The following PHLDB2 variants were observed in gnomAD, a reference collection of about 807,000 sequenced individuals.
PHLDB2 encodes the protein pleckstrin homology-like domain family B member 2.
PHLDB2 carries 71 observed loss-of-function variants against 123.6 expected under a neutral mutation model. That is an observed-to-expected ratio of 0.57 (90% CI 0.47 to 0.70). The LOEUF (loss-of-function observed/expected upper bound fraction) is 0.70, where lower values mean the gene tolerates loss of function less well. PHLDB2 is among the 30% of genes least tolerant of loss of function. The pLI is 0.00. For synonymous variants in PHLDB2, 547 were observed against 541.6 expected, an observed-to-expected ratio of 1.01 and a Z score of -0.14; for missense variants, 1,446 against 1,519.5, an observed-to-expected ratio of 0.95 and a Z score of 0.80.
intron 1 of PHLDB2, among the ~76,000 whole-genome samples, chr3:111,845,354 C>CAAAAAAAAAA: frequency 2.6e-5 from 1 of 39,162 alleles, no homozygotes; most frequent in Non-Finnish European, 4.0e-5. Flanking sequence ...GACTCTGTCT[C>CAAAAAAAAAA]AAAAAAAAAA....
At chr3:111,930,656 A>G (rs1168766736) in intron 5 of PHLDB2, among the ~76,000 whole-genome samples, 4 of 152,204 alleles carry the variant, frequency 2.6e-5, no homozygotes, top group African/African-American at 9.6e-5. Flanking sequence ...TAACGGTGCT[A>G]GTATATTCAG....
Position 111,831,079 on chromosome 3 carries a change from GAAGA to G in PHLDB2, c.-48-14734_-48-14731del, listed in dbSNP as rs372450594. On this transcript the variant is annotated intron_variant, in intron 1 of 17. Transcript: ENST00000393923. ...AAGAGAGAGATAGAGAGAAAAGAAG[GAAGA>G]AAGAAAGGCATGAGCCATGACACTT... 2.8e-3 allele frequency among the ~76,000 whole-genome samples: 418 copies of G among 151,076 alleles called. 6 individuals are homozygous for G. The highest frequency in any genetic ancestry group is 9.3e-3 in the African/African-American group (384 of 41,076).
chr3:111,952,429 T>A, intron 10 of PHLDB2, 143 bp from the exon 11 acceptor site: 1 of 810,116 alleles, frequency 1.2e-6, no homozygotes, highest in Non-Finnish European at 1.9e-6. Flanking sequence ...AATCTATCAG[T>A]GAACACAATA....
In PHLDB2 at chr3:111,884,647, G is replaced by A. The variant is rs200181744; in HGVS notation, c.570G>A (p.Pro190=). ...WNGSSLSDAG[P]PPISRSGAAS... is the part of the protein sequence containing the mutation. ...GAAGTTCCCTGAGTGATGCTGGCCCGCCTCCTATCAGCAGATCGGGAGCCG... is the reference window on the plus strand; with the variant it reads ...GAAGTTCCCTGAGTGATGCTGGCCCACCTCCTATCAGCAGATCGGGAGCCG... Residue 190 remains proline, a synonymous_variant, in exon 2 of 18, where the codon CCG becomes CCA. Transcript: ENST00000431670. 35 of 1,614,094 alleles carry A rather than the reference G, an allele frequency of 2.2e-5. 1 individual carries two copies. Among genetic ancestry groups the A allele is most frequent in the African/African-American group, 2.1e-4 (16 of 75,028 alleles).
chr3:111,924,805 C>A (rs1201620281), intron 5 of PHLDB2, among the ~76,000 whole-genome samples: 4 of 152,204 alleles, frequency 2.6e-5, no homozygotes. Flanking sequence ...AATAATACCT[C>A]AGAATGCCTC....
intron 1 of PHLDB2, among the ~76,000 whole-genome samples, chr3:111,839,187 T>G (rs950294609): frequency 6.8e-5 from 10 of 147,444 alleles, no homozygotes; most frequent in African/African-American, 2.5e-4. Context: ...TCTTCCAGAC[T>G]GAAACAAACA....
chr3:111,915,623 T>G (rs1338832687), intron 3 of PHLDB2: 2 of 152,256 alleles, frequency 1.3e-5, no homozygotes, highest in East Asian at 3.9e-4. Flanking sequence ...AGAGACAAGG[T>G]TTCACCCTGT....
intron 5 of PHLDB2, among the ~76,000 whole-genome samples, chr3:111,928,203 T>A (rs2107557487): frequency 6.6e-6 from 1 of 152,360 alleles, no homozygotes. Context: ...ATGTAAAAAA[T>A]TTACAATTGG....
At chr3:111,919,740 A>T (rs1385092297) in intron 4 of PHLDB2, among the ~76,000 whole-genome samples, 2 of 152,236 alleles carry the variant, frequency 1.3e-5, no homozygotes, top group Non-Finnish European at 2.9e-5. Flanking sequence ...CCCCCATGGC[A>T]TGAGAAGGGG....
chr3:111,946,105 T>A (rs1165290495), intron 9 of PHLDB2, among the ~76,000 whole-genome samples: 1 of 151,948 alleles, frequency 6.6e-6, no homozygotes, highest in Non-Finnish European at 1.5e-5. Flanking sequence ...CACTGCAACC[T>A]CCGCTTCCTG....
chr3:111,771,123 GAAGCGGTGCCTAGCTA>G (rs970299291), intron 1 of PHLDB2, among the ~76,000 whole-genome samples: 1 of 152,230 alleles, frequency 6.6e-6, no homozygotes, highest in Non-Finnish European at 1.5e-5. Flanking sequence ...TGAGAAAGAA[GAAGCGGTGCCTAGCTA>G]AATGTATTTG....
chr3:111,770,766 G>A (rs4682061), intron 1 of PHLDB2, among the ~76,000 whole-genome samples: 131,704 of 152,192 alleles, frequency 0.87, 57,882 homozygotes, highest in East Asian at 1. Flanking sequence ...TTACTTCTCA[G>A]TTGAAGATTT....
chr3:111,821,475 G>T (rs1397316946), intron 1 of PHLDB2, among the ~76,000 whole-genome samples: 2 of 152,164 alleles, frequency 1.3e-5, no homozygotes, highest in African/African-American at 4.8e-5. Flanking sequence ...GACCAGGGAA[G>T]GTTTGATGCT....
chr3:111,962,411 A>G, intron 13 of PHLDB2, 99 bp downstream of exon 13: 1 of 1,081,360 alleles, frequency 9.2e-7, no homozygotes, highest in Non-Finnish European at 1.3e-6. Context: ...GCACAAGCCC[A>G]AATTTTTGAG....
In PHLDB2 at chr3:111,884,149, G is replaced by T. The variant is rs758856241; in HGVS notation, c.72G>T (p.Val24=). ...QNGSLEEDSV[V]HSVENDSQNM... Reference sequence around the variant, plus strand: ...GTAGCTTAGAGGAAGACTCTGTGGTGCATTCTGTTGAGAACGATTCCCAAA... The same window carrying T: ...GTAGCTTAGAGGAAGACTCTGTGGTTCATTCTGTTGAGAACGATTCCCAAA... Residue 24 remains valine, a synonymous_variant, in exon 2 of 18, where the codon GTG becomes GTT. Coordinates refer to ENST00000431670, the MANE Select transcript of PHLDB2 (RefSeq NM_001134438.2). 6.2e-7 allele frequency: 1 copy of T among 1,614,136 alleles called. No homozygotes were observed. The highest frequency in any genetic ancestry group is 8.5e-7 in the Non-Finnish European group (1 of 1,179,978).
At chr3:111,878,233 A>G (rs564081658) in intron 1 of PHLDB2, among the ~76,000 whole-genome samples, 1 of 152,202 alleles carries the variant, frequency 6.6e-6, no homozygotes, top group South Asian at 2.1e-4. Flanking sequence ...TTCTTTGAGC[A>G]GTGGTTTGTA....
intron 8 of PHLDB2, among the ~76,000 whole-genome samples, chr3:111,941,376 A>G (rs1031753095): frequency 1.3e-5 from 2 of 152,236 alleles, no homozygotes; most frequent in African/African-American, 4.8e-5. Context: ...TGCATTAGCA[A>G]TATGACACTT....
rs1402740513 is a variant in PHLDB2, at chr3:111,810,696, AG to A, written c.-48-35124del. Reference sequence around the variant, plus strand: ...TTTCCAAGGACGCTATTCCGTCCATAGCAATGATATAGCAACCCACACAGAC... The same window carrying A: ...TTTCCAAGGACGCTATTCCGTCCATACAATGATATAGCAACCCACACAGAC... On this transcript the variant is annotated intron_variant, in intron 1 of 17. Coordinates refer to the PHLDB2 transcript ENST00000393923. Among the ~76,000 whole-genome samples, 13 of 152,344 alleles carry A rather than the reference AG, an allele frequency of 8.5e-5. No homozygotes were observed. The East Asian group carries it at 2.3e-3, about 27-fold the overall frequency.
At chr3:111,972,399 T>G (rs2072259041) in intron 16 of PHLDB2, among the ~76,000 whole-genome samples, 1 of 152,190 alleles carries the variant, frequency 6.6e-6, no homozygotes, top group Non-Finnish European at 1.5e-5. Context: ...GCTGAACTTT[T>G]CAGGGCCATT....
Sources: gnomAD v4.1 joint callset for allele counts (sites outside exome capture counted in the v4.1 genomes callset) on GRCh38, gnomAD v4.1.1 for gene constraint, MANE v1.5 for transcripts, NCBI Gene and HGNC (gene_info 2026-07-23, HGNC 2026-07-21) for gene names.